ATP7A: variants seen among roughly 807,000 people sequenced by gnomAD.
ATP7A encodes the protein copper-transporting ATPase 1.
Under a neutral mutation model 83.5 loss-of-function variants are expected in ATP7A, and 7 were observed. The observed-to-expected ratio is 0.08, with a 90% confidence interval of 0.05 to 0.16. The LOEUF is 0.16. Ranked by LOEUF, ATP7A falls within the 10% of genes least tolerant of loss-of-function variation. The pLI, the probability that ATP7A is intolerant of heterozygous loss-of-function variation, is 1.00. For missense variants in ATP7A, 940 were observed against 1,120.8 expected, an observed-to-expected ratio of 0.84 and a Z score of 2.30; for synonymous variants, 354 against 395.2, an observed-to-expected ratio of 0.90 and a Z score of 1.24.
At chrX:78,042,463 A>G (rs1268246186) in intron 19 of ATP7A, 122 bp from the exon 20 acceptor site, 1 of 706,160 alleles carries the variant, frequency 1.4e-6, no homozygotes, top group African/African-American at 2.1e-5. Flanking sequence ...CTATCACTAG[A>G]TATTATCAGT....
At chrX:78,038,184 A>G (rs782695170) in intron 17 of ATP7A, among the ~76,000 whole-genome samples, 3 of 108,578 alleles carry the variant, frequency 2.8e-5, no homozygotes, top group Non-Finnish European at 5.7e-5. Flanking sequence ...AGCTAGATAC[A>G]CAGACACAGG....
chrX:77,961,257 T>C (rs1411901609), intron 1 of ATP7A, among the ~76,000 whole-genome samples: 1 of 112,260 alleles, frequency 8.9e-6, no homozygotes, highest in African/African-American at 3.2e-5. Context: ...GGGTGAATTA[T>C]CCAGTGCCTT....
At chrX:77,958,631 C>T (rs1351345258) in intron 1 of ATP7A, among the ~76,000 whole-genome samples, 1 of 110,469 alleles carries the variant, frequency 9.1e-6, no homozygotes, top group Non-Finnish European at 1.9e-5. Flanking sequence ...TATGTGAAGA[C>T]TGTCATTGAT....
chrX:77,962,695 G>T, intron 1 of ATP7A: 1 of 385,464 alleles, frequency 2.6e-6, no homozygotes, highest in South Asian at 2.3e-5. Flanking sequence ...AGCAGCAGCG[G>T]AACAGTAGAC....
chrX:77,939,988 A>G (rs1463885129), intron 1 of ATP7A, among the ~76,000 whole-genome samples: 1 of 109,774 alleles, frequency 9.1e-6, no homozygotes, highest in Non-Finnish European at 1.9e-5. Flanking sequence ...TTAGTCTATA[A>G]ATTTAAGAGA....
chrX:78,018,333 C>T (rs2077882450), intron 12 of ATP7A, among the ~76,000 whole-genome samples: 1 of 108,303 alleles, frequency 9.2e-6, no homozygotes, highest in East Asian at 3.0e-4. Context: ...GGTGAAACCC[C>T]GTCTCTACTA....
At chrX:77,927,149 A>G (rs2077246098) in intron 1 of ATP7A, among the ~76,000 whole-genome samples, 1 of 112,364 alleles carries the variant, frequency 8.9e-6, no homozygotes, top group Non-Finnish European at 1.9e-5. Flanking sequence ...TGGGACTTCA[A>G]TAAATATGTG....
intron 19 of ATP7A, among the ~76,000 whole-genome samples, chrX:78,042,311 G>A (rs1390926649): frequency 1.8e-5 from 2 of 110,674 alleles, no homozygotes; most frequent in African/African-American, 6.6e-5. Context: ...GTGCAAGCCT[G>A]TCCAAGATAG....
At chrX:78,007,922 G>A (rs1424287952) in intron 6 of ATP7A, among the ~76,000 whole-genome samples, 6 of 111,862 alleles carry the variant, frequency 5.4e-5, no homozygotes, top group Non-Finnish European at 9.4e-5. Flanking sequence ...TATACTTTGT[G>A]TTACAGATAA....
intron 5 of ATP7A, among the ~76,000 whole-genome samples, chrX:78,001,756 T>G (rs1209644870): frequency 9.0e-6 from 1 of 111,266 alleles, no homozygotes; most frequent in Non-Finnish European, 1.9e-5. Context: ...CTTCTATTTT[T>G]GCTATGTAGA....
At chrX:77,923,152 G>A (rs1557223283) in intron 1 of ATP7A, 1 of 112,270 alleles carries the variant, frequency 8.9e-6, no homozygotes, top group African/African-American at 3.2e-5. Flanking sequence ...GAATATATCT[G>A]CTGTCTCAGA....
chrX:77,980,985 C>T (rs2077602402), intron 2 of ATP7A, among the ~76,000 whole-genome samples: 1 of 112,516 alleles, frequency 8.9e-6, no homozygotes, highest in African/African-American at 3.2e-5. Context: ...TTTACATGTA[C>T]ATAAGTATAT....
intron 1 of ATP7A, among the ~76,000 whole-genome samples, chrX:77,948,250 C>CT (rs2077394409): frequency 9.2e-6 from 1 of 109,243 alleles, no homozygotes; most frequent in African/African-American, 3.3e-5. Flanking sequence ...CCTCAGCCTC[C>CT]TGTAATGGCT....
chrX:77,931,477 A>G (rs2077274411), intron 1 of ATP7A, among the ~76,000 whole-genome samples: 1 of 112,100 alleles, frequency 8.9e-6, no homozygotes, highest in Admixed American at 9.3e-5. Flanking sequence ...CTCCCTTTCT[A>G]TTCCACAAAA....
At chrX:77,914,863 G>A (rs1483371001) in intron 1 of ATP7A, among the ~76,000 whole-genome samples, 4 of 111,992 alleles carry the variant, frequency 3.6e-5, no homozygotes, top group Non-Finnish European at 7.5e-5. Context: ...ACCTAGGCTG[G>A]AGTGAAATGG....
rs5902761 is a variant in ATP7A at position 78,010,570 on chromosome X, C to CTTTTTT, written c.1870-585_1870-580dup. Among the ~76,000 whole-genome samples the CTTTTTT allele has an allele frequency of 5.8e-5, 3 of 51,589 alleles. 1 individual carries two copies. Among genetic ancestry groups the CTTTTTT allele is most frequent in the African/African-American group, 1.8e-4 (2 of 11,085 alleles). The allele number at this position is 51,589 out of a possible 115,157, so 44.8% of individuals were successfully genotyped here. The stretch of plus-strand genomic sequence containing the variant: ...AATAATATGTTTAGTATGGTGCTAG[C>CTTTTTT]TTTTTTTTTTTTTTTTTTTTTTTTT... On this transcript the variant is annotated intron_variant, in intron 7 of 22. Transcript: ENST00000341514.
intron 1 of ATP7A, among the ~76,000 whole-genome samples, chrX:77,956,725 T>TC (rs1308939941): frequency 1.1e-5 from 1 of 92,673 alleles, no homozygotes; most frequent in Admixed American, 1.3e-4. Context: ...TTACCCAGTC[T>TC]CCTTTCTTTC....
At chrX:77,996,118 A>G (rs1557232532) in intron 4 of ATP7A, among the ~76,000 whole-genome samples, 1 of 112,248 alleles carries the variant, frequency 8.9e-6, no homozygotes, top group Admixed American at 9.5e-5. Flanking sequence ...CCTGTTTACC[A>G]ATTTCATGCA....
At chrX:78,001,315 A>G (rs782626207) in intron 5 of ATP7A, among the ~76,000 whole-genome samples, 40 of 110,766 alleles carry the variant, frequency 3.6e-4, no homozygotes, top group African/African-American at 1.3e-3. Flanking sequence ...TACTTTTTTA[A>G]TTTTTAATTT....
Sources: gnomAD v4.1 joint callset for allele counts (sites outside exome capture counted in the v4.1 genomes callset) on GRCh38, gnomAD v4.1.1 for gene constraint, MANE v1.5 for transcripts, NCBI Gene and HGNC (gene_info 2026-07-23, HGNC 2026-07-21) for gene names.